The following PRKCE variants were observed in gnomAD, a reference collection of about 807,000 sequenced individuals.
The protein encoded by PRKCE is protein kinase C epsilon type.
A neutral mutation model predicts 85.4 loss-of-function variants in PRKCE; 16 were observed. The observed-to-expected ratio is 0.19, with a 90% confidence interval of 0.13 to 0.28. The LOEUF (loss-of-function observed/expected upper bound fraction) is 0.28. Ranked by LOEUF, PRKCE falls within the 10% of genes least tolerant of loss-of-function variation. The pLI, the probability that PRKCE is intolerant of heterozygous loss-of-function variation, is 1.00. For missense variants in PRKCE, 573 were observed against 975.2 expected (o/e 0.59, Z 5.49); for synonymous variants, 388 against 371.5 (o/e 1.04, Z -0.51).
At chr2:45,974,946 C>T (rs936590884) in intron 2 of PRKCE, among the ~76,000 whole-genome samples, 2 of 152,180 alleles carry the variant, frequency 1.3e-5, no homozygotes, top group African/African-American at 4.8e-5. Flanking sequence ...GGGGAAGCCA[C>T]AGGCAGCTGG....
chr2:45,885,002 T>TATATATTTTTTTTGTTG (rs1553440407), intron 2 of PRKCE, among the ~76,000 whole-genome samples: 1 of 97,642 alleles, frequency 1.0e-5, no homozygotes, highest in Non-Finnish European at 2.1e-5. Context: ...TATATATATA[T>TATATATTTTTTTTGTTG]TTGTTGTTGT....
At chr2:46,036,767 G>A (rs866063276) in intron 10 of PRKCE, among the ~76,000 whole-genome samples, 37 of 152,270 alleles carry the variant, frequency 2.4e-4, no homozygotes, top group African/African-American at 8.2e-4. Flanking sequence ...CTGCAAGCCC[G>A]GCGGACACTT....
intron 1 of PRKCE, among the ~76,000 whole-genome samples, chr2:45,712,057 A>G (rs1679688489): frequency 6.6e-6 from 1 of 151,504 alleles, no homozygotes; most frequent in African/African-American, 2.4e-5. Flanking sequence ...TTGAGTAAAG[A>G]ATTACATCTT....
chr2:45,932,174 G>A (rs532270794), intron 2 of PRKCE, among the ~76,000 whole-genome samples: 1 of 152,256 alleles, frequency 6.6e-6, no homozygotes, highest in Admixed American at 6.5e-5. Context: ...ACTCTACATG[G>A]ATTTATACAG....
intron 1 of PRKCE, among the ~76,000 whole-genome samples, chr2:45,753,577 C>A (rs1214452413): frequency 7.2e-6 from 1 of 139,094 alleles, no homozygotes; most frequent in African/African-American, 2.5e-5. Context: ...TGAGACTGAC[C>A]CAGGTTGTTT....
intron 1 of PRKCE, among the ~76,000 whole-genome samples, chr2:45,667,314 A>C (rs535248050): frequency 6.6e-6 from 1 of 152,204 alleles, no homozygotes; most frequent in African/African-American, 2.4e-5. Context: ...CTGTCTCAAA[A>C]AAAAATTTTT....
rs150071282 is a variant in PRKCE, at chr2:45,707,160, G to A, written c.348+54712G>A. Among the ~76,000 whole-genome samples, 8 of 152,324 alleles carry A rather than the reference G, an allele frequency of 5.3e-5. No individual in the cohort carries two copies. The East Asian group carries it at 5.8e-4, about 11-fold the overall frequency. On this transcript the variant is annotated intron_variant, in intron 1 of 14. Transcript: ENST00000306156. ...TTGCAGTGGAAGTCCCTCGTGGATC[G>A]CAGTTCATTACTTCACAGGCAGATA...
chr2:45,927,639 AGAAAGGGAG>A (rs1698730120), intron 2 of PRKCE, among the ~76,000 whole-genome samples: 1 of 152,252 alleles, frequency 6.6e-6, no homozygotes, highest in South Asian at 2.1e-4. Context: ...GGAGCATTAG[AGAAAGGGAG>A]GATTTCATCT....
intron 3 of PRKCE, among the ~76,000 whole-genome samples, chr2:45,977,372 G>A (rs2711290): frequency 6.6e-6 from 1 of 151,982 alleles, no homozygotes; most frequent in Non-Finnish European, 1.5e-5. Context: ...TGCGGTGGCT[G>A]ATGTCTATAA....
At position 45,910,756 on chromosome 2, in the gene PRKCE, G is replaced by T. The variant is rs544345113; in HGVS notation, c.413-65673G>T. 5.3e-5 allele frequency among the ~76,000 whole-genome samples: 8 copies of T among 152,304 alleles called. No homozygotes were observed. In the East Asian group the frequency reaches 1.5e-3, roughly 29 times the overall value. ...CCATGGTGAACAGGGAGGAAAGATG[G>T]TTCCAAGGGTGGGAGAGAACCTAGC... is the stretch of plus-strand genomic sequence containing the variant. On this transcript the variant is annotated intron_variant, in intron 2 of 14. Coordinates refer to ENST00000306156, the MANE Select transcript of PRKCE (RefSeq NM_005400.3).
chr2:45,676,834 T>G (rs1346279474), intron 1 of PRKCE: 1 of 152,168 alleles, frequency 6.6e-6, no homozygotes, highest in Non-Finnish European at 1.5e-5. Flanking sequence ...AATAAATCAT[T>G]AGGGAGCCCC....
chr2:45,733,659 G>C (rs1001338953), intron 1 of PRKCE, among the ~76,000 whole-genome samples: 3 of 152,120 alleles, frequency 2.0e-5, no homozygotes, highest in Admixed American at 6.5e-5. Context: ...CCTAGTGGCT[G>C]GCCTGAAATG....
chr2:46,129,923 G>C (rs962232302), intron 11 of PRKCE, among the ~76,000 whole-genome samples: 3 of 152,352 alleles, frequency 2.0e-5, no homozygotes, highest in African/African-American at 7.2e-5. Flanking sequence ...AAAAAGAGCA[G>C]GTATGGTTGT....
At chr2:46,082,789 G>T (rs1247479204) in intron 10 of PRKCE, among the ~76,000 whole-genome samples, 1 of 152,214 alleles carries the variant, frequency 6.6e-6, no homozygotes. Flanking sequence ...GGTCAGGGAA[G>T]AAAGCTGCAG....
chr2:45,995,273 GTTTGT>G (rs1454363480), intron 6 of PRKCE, among the ~76,000 whole-genome samples: 1 of 151,920 alleles, frequency 6.6e-6, no homozygotes, highest in Non-Finnish European at 1.5e-5. Flanking sequence ...GTTTGGTTTT[GTTTGT>G]TTTTTGTTTG....
rs193021236 is a variant in PRKCE at position 45,951,976 on chromosome 2, G to T, written c.413-24453G>T. Among the ~76,000 whole-genome samples, 18 of 152,304 alleles carry T rather than the reference G, an allele frequency of 1.2e-4. No individual in the cohort carries two copies. In the East Asian group the frequency reaches 3.1e-3, roughly 26 times the overall value. ...GCCTCCTGAGTAGCTGGGATTACAG[G>T]CATGTGCCACCACATCCAGCTAACT... On this transcript the variant is annotated intron_variant, in intron 2 of 14. Coordinates refer to ENST00000306156, the MANE Select transcript of PRKCE (RefSeq NM_005400.3).
chr2:45,872,362 C>CGGCA (rs2105758817), intron 2 of PRKCE, among the ~76,000 whole-genome samples: 1 of 152,248 alleles, frequency 6.6e-6, no homozygotes, highest in South Asian at 2.1e-4. Context: ...GAGGTCAGAG[C>CGGCA]GGCAGCAGAG....
intron 1 of PRKCE, among the ~76,000 whole-genome samples, chr2:45,816,320 G>A (rs931517572): frequency 6.6e-6 from 1 of 152,088 alleles, no homozygotes; most frequent in African/African-American, 2.4e-5. Context: ...AATGATATTT[G>A]TTCACTACCC....
At position 46,145,588 on chromosome 2, in the gene PRKCE, G is replaced by T. The variant is rs1675990172; in HGVS notation, c.1731+357G>T. On this transcript the variant is annotated intron_variant, in intron 12 of 14. Coordinates refer to ENST00000306156, the MANE Select transcript of PRKCE (RefSeq NM_005400.3). This position sits in a 1 kb window ranked among gnomAD's most constrained non-coding sequence, Gnocchi z 4.6. ...TTCATGTCTTTAAAATCAGAACAGG[G>T]TGGGCACAGTGACTCACATCTGTAA... 6.6e-6 allele frequency among the ~76,000 whole-genome samples: 1 copy of T among 152,130 alleles called. No individual in the cohort carries two copies. Among genetic ancestry groups the T allele is most frequent in the Admixed American group, 6.5e-5 (1 of 15,278 alleles).
Sources: gnomAD v4.1 joint callset for allele counts (sites outside exome capture counted in the v4.1 genomes callset) on GRCh38, gnomAD v4.1.1 for gene constraint, Gnocchi (gnomAD v3.1) non-coding constraint, MANE v1.5 for transcripts, NCBI Gene and HGNC (gene_info 2026-07-23, HGNC 2026-07-21) for gene names.